The following DZIP3 variants were observed in gnomAD, a reference collection of about 807,000 sequenced individuals.
DZIP3 encodes the protein E3 ubiquitin-protein ligase DZIP3.
In DZIP3, 118 loss-of-function variants were observed where a neutral mutation model predicts 162.0. That is an observed-to-expected ratio of 0.73 (90% CI 0.63 to 0.85). DZIP3 has a LOEUF of 0.85. Ranked by LOEUF, DZIP3 falls within the 40% of genes least tolerant of loss-of-function variation. The pLI is 0.00. For synonymous variants in DZIP3, 438 were observed against 458.6 expected, an observed-to-expected ratio of 0.96 and a Z score of 0.57; for missense variants, 1,331 against 1,407.0, an observed-to-expected ratio of 0.95 and a Z score of 0.86.
Position 108,626,079 on chromosome 3 carries a change from T to G in DZIP3, c.581+110T>G, listed in dbSNP as rs1301632774. 5.6e-6 allele frequency: 7 copies of G among 1,254,644 alleles called. No homozygotes were observed. The East Asian group carries it at 1.0e-4, about 18-fold the overall frequency. The allele number at this position is 1,254,644 out of a possible 1,614,324, so 77.7% of individuals were successfully genotyped here. A position where few individuals can be genotyped will look rare whatever the true frequency, so the allele number is the denominator to read the frequency against. On this transcript the variant is annotated intron_variant, in intron 7 of 32. Transcript: ENST00000361582. The stretch of plus-strand genomic sequence containing the variant: ...ATTGTGACATTTGTGCTCTACTGTT[T>G]TATCCTTTTCTTCTTTGCCTATTTG...
chr3:108,644,901 C>T (rs955259350), intron 14 of DZIP3, 120 bp downstream of exon 14: 6 of 874,126 alleles, frequency 6.9e-6, no homozygotes, highest in African/African-American at 5.1e-5. Flanking sequence ...AAAATGGACT[C>T]ATCAGGAAGG....
intron 1 of DZIP3, 128 bp from the exon 2 acceptor site, chr3:108,605,207 G>A (rs1465323062): frequency 1.2e-5 from 8 of 668,402 alleles, no homozygotes; most frequent in Admixed American, 3.3e-5. Context: ...TTTGGGTGGC[G>A]AAACTATGAT....
In DZIP3 at chr3:108,605,453, C is replaced by T. The variant is rs745663916; in HGVS notation, c.32+15C>T. 1.9e-6 allele frequency: 3 copies of T among 1,612,314 alleles called. No individual in the cohort carries two copies. Among genetic ancestry groups the T allele is most frequent in the East Asian group, 4.5e-5 (2 of 44,778 alleles). The stretch of plus-strand genomic sequence containing the variant: ...TTTTTTGTGAGGTAAGGCCACAGTC[C>T]CCAACCTTTTTGGCACCATGGACTG... On this transcript the variant is annotated intron_variant, in intron 2 of 32. Coordinates refer to ENST00000361582, the MANE Select transcript of DZIP3 (RefSeq NM_014648.4).
At chr3:108,655,420 T>C (rs1215922935) in intron 19 of DZIP3, among the ~76,000 whole-genome samples, 5 of 152,136 alleles carry the variant, frequency 3.3e-5, no homozygotes, top group South Asian at 2.1e-4. Context: ...TTATCATCTC[T>C]AAAATGGAAA....
At chr3:108,632,262 T>TA (rs1340856027) in intron 8 of DZIP3, among the ~76,000 whole-genome samples, 1 of 152,126 alleles carries the variant, frequency 6.6e-6, no homozygotes, top group African/African-American at 2.4e-5. Flanking sequence ...TTTTTAGAGA[T>TA]AGAGTCTCAT....
chr3:108,594,441 C>T (rs953070762), intron 1 of DZIP3, among the ~76,000 whole-genome samples: 2 of 132,432 alleles, frequency 1.5e-5, no homozygotes, highest in East Asian at 2.6e-4. Context: ...TGCTCCCCCC[C>T]CATATATATA....
At chr3:108,656,679 G>A (rs1302710326) in intron 19 of DZIP3, among the ~76,000 whole-genome samples, 1 of 151,932 alleles carries the variant, frequency 6.6e-6, no homozygotes, top group Non-Finnish European at 1.5e-5. Context: ...GGCTTCAGAC[G>A]ATCAAACTAC....
chr3:108,658,386 GACT>G (rs1353308788), intron 19 of DZIP3, among the ~76,000 whole-genome samples: 2 of 151,694 alleles, frequency 1.3e-5, no homozygotes, highest in African/African-American at 4.8e-5. Context: ...GCTCCTGAAT[GACT>G]ACTGGGTACA....
intron 21 of DZIP3, among the ~76,000 whole-genome samples, chr3:108,668,099 T>C (rs1943756364): frequency 6.6e-6 from 1 of 152,062 alleles, no homozygotes; most frequent in African/African-American, 2.4e-5. Context: ...AATGGTGTGG[T>C]TTTTTGGCCT....
chr3:108,693,068 A>T (rs1337411160), intron 32 of DZIP3, among the ~76,000 whole-genome samples: 2 of 151,676 alleles, frequency 1.3e-5, no homozygotes, highest in African/African-American at 4.8e-5. Flanking sequence ...CAAAGCAATT[A>T]CAAGAGAATT....
At chr3:108,610,442 T>C (rs1940639657) in intron 3 of DZIP3, among the ~76,000 whole-genome samples, 1 of 152,238 alleles carries the variant, frequency 6.6e-6, no homozygotes, top group African/African-American at 2.4e-5. Flanking sequence ...TTCTACTTAC[T>C]TTCCTGTGTA....
At chr3:108,647,858 G>C (rs944435294) in intron 15 of DZIP3, 85 bp from the exon 16 acceptor site, 2 of 1,111,160 alleles carry the variant, frequency 1.8e-6, no homozygotes, top group African/African-American at 3.2e-5. Context: ...TGTGAATGTT[G>C]CTTTTTTGGG....
At chr3:108,613,179 G>A (rs559634432) in intron 4 of DZIP3, among the ~76,000 whole-genome samples, 10 of 152,176 alleles carry the variant, frequency 6.6e-5, no homozygotes, top group South Asian at 2.1e-4. Flanking sequence ...GTAGGAAGAC[G>A]CAGTATGTTA....
At position 108,648,135 on chromosome 3, in the gene DZIP3, G is replaced by C. The variant is rs367947717; in HGVS notation, c.1962+23G>C. On this transcript the variant is annotated intron_variant, in intron 16 of 32. Transcript: ENST00000361582. ...GAAGTATAAGCTCTCATTAATATTT[G>C]AGTTAGAAGAACTTATTCTGGGCCT... 59 of 1,567,156 alleles carry C rather than the reference G, an allele frequency of 3.8e-5. No individual in the cohort carries two copies. In the Middle Eastern group the frequency reaches 1.4e-3, roughly 36 times the overall value.
chr3:108,622,032 T>TAAA (rs34750239), intron 5 of DZIP3, among the ~76,000 whole-genome samples: 1 of 138,676 alleles, frequency 7.2e-6, no homozygotes, highest in African/African-American at 2.7e-5. Flanking sequence ...ACCCCATCTC[T>TAAA]AAAAAAAAAA....
chr3:108,674,125 G>C lies in DZIP3; in HGVS notation c.2637G>C (p.Glu879Asp), dbSNP rs769117565. ...CRRDFGLLHLEQTEKECLNQL... is the reference protein window; with the variant it reads ...CRRDFGLLHLDQTEKECLNQL... Reference sequence around the variant, plus strand: ...GGGATTTTGGTTTGCTTCATCTAGAGCAGACTGAAAAGGAATGTCTCAATC... The same window carrying C: ...GGGATTTTGGTTTGCTTCATCTAGACCAGACTGAAAAGGAATGTCTCAATC... Residue 879 changes from glutamate (E) to aspartate (D), a missense_variant, in exon 24 of 33, where the codon GAG becomes GAC. Physicochemically the swap from Glu to Asp is conservative, Grantham distance 45. This residue lies in a region of DZIP3 where 1,278 missense variants were observed against 1,317.1 expected (regional missense o/e 0.97). Transcript: ENST00000361582. The C allele has an allele frequency of 6.2e-6, 10 of 1,612,254 alleles. No homozygotes were observed. In the African/African-American group the frequency reaches 1.3e-4, roughly 22 times the overall value.
At chr3:108,601,328 T>A (rs1940004476) in intron 1 of DZIP3, among the ~76,000 whole-genome samples, 1 of 152,080 alleles carries the variant, frequency 6.6e-6, no homozygotes, top group Admixed American at 6.6e-5. Context: ...AGGGATGCTG[T>A]GAAACATCTT....
At chr3:108,616,424 G>A (rs1941017298) in intron 4 of DZIP3, 117 bp from the exon 5 acceptor site, 4 of 633,066 alleles carry the variant, frequency 6.3e-6, no homozygotes, top group Non-Finnish European at 1.0e-5. Flanking sequence ...TTTTTAAACC[G>A]TCTTTATCTC....
chr3:108,593,898 C>T (rs1358627590), intron 1 of DZIP3, among the ~76,000 whole-genome samples: 1 of 151,942 alleles, frequency 6.6e-6, no homozygotes, highest in Admixed American at 6.6e-5. Context: ...CTCCTGGTCT[C>T]GAGTGATCCG....
Sources: allele counts gnomAD v4.1 joint callset (sites outside exome capture counted in the v4.1 genomes callset), GRCh38; gene constraint gnomAD v4.1.1; regional missense constraint gnomAD v4.1.1; transcripts MANE v1.5; gene names NCBI Gene and HGNC (gene_info 2026-07-23, HGNC 2026-07-21).